Variants in PTPRM observed in about 807,000 individuals in gnomAD.
The protein encoded by PTPRM is receptor-type tyrosine-protein phosphatase mu.
In PTPRM, 47 loss-of-function variants were observed where a neutral mutation model predicts 186.7. The observed-to-expected ratio is 0.25, with a 90% CI of 0.20 to 0.32. The LOEUF is 0.32. Ranked by LOEUF, PTPRM falls within the 10% of genes least tolerant of loss-of-function variation. PTPRM has a pLI of 1.00. For missense variants in PTPRM, 1,494 were observed against 1,865.0 expected (o/e 0.80, Z 3.66); for synonymous variants, 668 against 674.9 (o/e 0.99, Z 0.16).
chr18:8,191,923 A>G (rs915785828), intron 14 of PTPRM, among the ~76,000 whole-genome samples: 1 of 152,204 alleles, frequency 6.6e-6, no homozygotes, highest in Non-Finnish European at 1.5e-5. Flanking sequence ...GGAAAAAAAG[A>G]TTTCAAGTAA....
intron 1 of PTPRM, among the ~76,000 whole-genome samples, chr18:7,678,471 C>G (rs1277279164): frequency 1.3e-5 from 2 of 152,140 alleles, no homozygotes; most frequent in South Asian, 2.1e-4. Context: ...TCTGGGAGCA[C>G]AGGCATTTTG....
At chr18:7,897,474 C>T (rs369617060) in intron 3 of PTPRM, among the ~76,000 whole-genome samples, 7 of 152,038 alleles carry the variant, frequency 4.6e-5, no homozygotes, top group South Asian at 2.1e-4. Context: ...TAGTAGGTGC[C>T]GCAATACTCT....
At chr18:7,864,727 T>C (rs1038353980) in intron 2 of PTPRM, among the ~76,000 whole-genome samples, 5 of 152,200 alleles carry the variant, frequency 3.3e-5, no homozygotes, top group Admixed American at 6.5e-5. Flanking sequence ...TTTCTAATTC[T>C]GTGAAGAAAG....
At chr18:8,306,189 G>A (rs548957435) in intron 20 of PTPRM, among the ~76,000 whole-genome samples, 8 of 152,022 alleles carry the variant, frequency 5.3e-5, no homozygotes, top group Non-Finnish European at 7.4e-5. Flanking sequence ...GAGCCACTGC[G>A]CCTGGCAGCG....
intron 11 of PTPRM, among the ~76,000 whole-genome samples, chr18:8,107,883 A>G (rs928553258): frequency 6.6e-6 from 1 of 152,228 alleles, no homozygotes; most frequent in Admixed American, 6.5e-5. Context: ...ACTCTAAGGA[A>G]TCTGAGCAGT....
intron 7 of PTPRM, among the ~76,000 whole-genome samples, chr18:7,982,742 T>C (rs1283156527): frequency 6.6e-6 from 1 of 152,086 alleles, no homozygotes; most frequent in Non-Finnish European, 1.5e-5. Context: ...GCTATGACGT[T>C]AGGACAGCTA....
intron 2 of PTPRM, among the ~76,000 whole-genome samples, chr18:7,862,419 T>G (rs1376703356): frequency 6.6e-6 from 1 of 152,212 alleles, no homozygotes; most frequent in African/African-American, 2.4e-5. Context: ...CACATTCAAA[T>G]ATGAATACCA....
intron 1 of PTPRM, among the ~76,000 whole-genome samples, chr18:7,645,280 G>C (rs1177694185): frequency 6.6e-6 from 1 of 152,112 alleles, no homozygotes; most frequent in East Asian, 1.9e-4. Flanking sequence ...TTTATTAGGG[G>C]AGTAGTTCAG....
Position 8,385,142 on chromosome 18 carries a change from G to A in PTPRM, c.4044+456G>A, listed in dbSNP as rs571922831. Among the ~76,000 whole-genome samples, 6 of 152,306 alleles carry A rather than the reference G, an allele frequency of 3.9e-5. No individual in the cohort carries two copies. The South Asian group carries it at 6.2e-4, about 16-fold the overall frequency. On this transcript the variant is annotated intron_variant, in intron 30 of 32. Coordinates refer to ENST00000580170, the MANE Select transcript of PTPRM (RefSeq NM_001105244.2). ...AGGCAGGCCAGGTGACCAGACATCC[G>A]AGGAACCTGATCAGATATCAAACAT...
chr18:8,356,997 C>G (rs868757812), intron 23 of PTPRM, among the ~76,000 whole-genome samples: 2 of 152,362 alleles, frequency 1.3e-5, no homozygotes, highest in Middle Eastern at 3.4e-3. Flanking sequence ...ATAACAAAAG[C>G]ATCTGCACTC....
intron 7 of PTPRM, among the ~76,000 whole-genome samples, chr18:8,064,696 C>G (rs775401751): frequency 1.3e-5 from 2 of 152,190 alleles, no homozygotes; most frequent in Non-Finnish European, 2.9e-5. Context: ...GCAATTTCAG[C>G]TTGACTGACA....
intron 11 of PTPRM, among the ~76,000 whole-genome samples, chr18:8,108,431 TG>T (rs1480173630): frequency 6.6e-6 from 1 of 152,182 alleles, no homozygotes. Context: ...TGATATCTTA[TG>T]GTGAAAAGAA....
At chr18:8,085,895 G>A in intron 10 of PTPRM, 23 bp downstream of exon 10, 1 of 1,598,142 alleles carries the variant, frequency 6.3e-7, no homozygotes, top group Non-Finnish European at 8.6e-7. Context: ...CGTGAGTTGT[G>A]TCTTTTATCA....
At chr18:8,377,054 T>C (rs1191216382) in intron 26 of PTPRM, 1 of 158,594 alleles carries the variant, frequency 6.3e-6, no homozygotes, top group Non-Finnish European at 1.4e-5. Flanking sequence ...GTGTCTGGCG[T>C]CCTGGGGATT....
chr18:8,228,819 C>T (rs1169259496), intron 14 of PTPRM, among the ~76,000 whole-genome samples: 1 of 152,066 alleles, frequency 6.6e-6, no homozygotes, highest in East Asian at 1.9e-4. Context: ...CACCACCGCA[C>T]TCCAGCCTGG....
chr18:8,380,195 C>A (rs2095723727), intron 28 of PTPRM, 101 bp from the exon 29 acceptor site: 1 of 1,278,084 alleles, frequency 7.8e-7, no homozygotes, highest in Non-Finnish European at 1.1e-6. Flanking sequence ...TAAACATGTT[C>A]AGTGTTTTGT....
At chr18:8,162,150 A>G (rs2093242935) in intron 14 of PTPRM, among the ~76,000 whole-genome samples, 1 of 145,882 alleles carries the variant, frequency 6.9e-6, no homozygotes, top group African/African-American at 2.6e-5. Flanking sequence ...CCCAAGCTGG[A>G]GTGCAATGGC....
chr18:8,209,838 G>A (rs1239763858), intron 14 of PTPRM, among the ~76,000 whole-genome samples: 5 of 151,826 alleles, frequency 3.3e-5, no homozygotes, highest in Non-Finnish European at 5.9e-5. Flanking sequence ...AGGGGTAAGG[G>A]GAGGGAGAGC....
At chr18:7,815,644 G>C (rs2044775038) in intron 2 of PTPRM, 1 of 152,084 alleles carries the variant, frequency 6.6e-6, no homozygotes, top group Non-Finnish European at 1.5e-5. Context: ...GAGCATGCCT[G>C]TGAATAGCCA....
Sources: gnomAD v4.1 joint callset for allele counts (sites outside exome capture counted in the v4.1 genomes callset) on GRCh38, gnomAD v4.1.1 for gene constraint, MANE v1.5 for transcripts, NCBI Gene and HGNC (gene_info 2026-07-23, HGNC 2026-07-21) for gene names.